RBFOX1: variants seen among roughly 807,000 people sequenced by gnomAD.
The protein encoded by RBFOX1 is RNA binding protein fox-1 homolog 1.
RBFOX1 carries 8 observed loss-of-function variants against 57.7 expected under a neutral mutation model. The ratio of observed to expected loss-of-function variants is 0.14; its 90% CI spans 0.08 to 0.25. The LOEUF (loss-of-function observed/expected upper bound fraction) is 0.25, where lower values mean the gene tolerates loss of function less well. Among genes scored for constraint, RBFOX1 ranks in the 10% least tolerant of loss-of-function variants. The pLI is 1.00. For missense variants in RBFOX1, 611 were observed against 548.5 expected (o/e 1.11, Z -1.14); for synonymous variants, 326 against 222.4 (o/e 1.47, Z -4.15).
chr16:5,795,982 C>T (rs2054865338), intron 3 of RBFOX1, among the ~76,000 whole-genome samples: 1 of 152,212 alleles, frequency 6.6e-6, no homozygotes. Flanking sequence ...TTTGGCAGTA[C>T]AGTTGGGTTT....
chr16:5,649,754 A>G (rs2049171299), intron 3 of RBFOX1, among the ~76,000 whole-genome samples: 1 of 152,234 alleles, frequency 6.6e-6, no homozygotes, highest in Non-Finnish European at 1.5e-5. Context: ...GAAGGCCATC[A>G]TGTACAACTC....
chr16:7,004,568 A>T (rs1199721077), intron 3 of RBFOX1, among the ~76,000 whole-genome samples: 11 of 152,188 alleles, frequency 7.2e-5, no homozygotes, highest in Non-Finnish European at 1.5e-4. Context: ...TATGTATCTA[A>T]GGTTTATTAG....
At chr16:5,873,511 G>C (rs1037609811) in intron 4 of RBFOX1, among the ~76,000 whole-genome samples, 13 of 152,222 alleles carry the variant, frequency 8.5e-5, no homozygotes, top group African/African-American at 1.9e-4. Context: ...TAATTCAAGA[G>C]TCCAGAATTC....
intron 2 of RBFOX1, among the ~76,000 whole-genome samples, chr16:6,541,177 A>G (rs1281771138): frequency 6.6e-6 from 1 of 152,186 alleles, no homozygotes; most frequent in Non-Finnish European, 1.5e-5. Context: ...GAACTCTTTC[A>G]TTCTATGCGG....
chr16:7,316,172 T>C (rs1302379091), intron 4 of RBFOX1, among the ~76,000 whole-genome samples: 2 of 152,216 alleles, frequency 1.3e-5, no homozygotes, highest in Non-Finnish European at 2.9e-5. Flanking sequence ...CTCCACTTTG[T>C]GTATCAGAGA....
intron 3 of RBFOX1, among the ~76,000 whole-genome samples, chr16:5,646,913 G>T (rs190899332): frequency 6.6e-6 from 1 of 152,168 alleles, no homozygotes; most frequent in Non-Finnish European, 1.5e-5. Flanking sequence ...TATTACAGGC[G>T]TGAGCCACCA....
intron 4 of RBFOX1, among the ~76,000 whole-genome samples, chr16:7,198,720 G>A (rs2087457299): frequency 6.6e-6 from 1 of 152,170 alleles, no homozygotes; most frequent in Admixed American, 6.5e-5. Context: ...ACTCACTGCA[G>A]CAGTAATGAC....
intron 4 of RBFOX1, among the ~76,000 whole-genome samples, chr16:7,393,570 A>G (rs544136987): frequency 2.0e-5 from 3 of 152,114 alleles, no homozygotes; most frequent in Admixed American, 6.5e-5. Flanking sequence ...GGACAATGCT[A>G]TAGGGGGTGG....
intron 1 of RBFOX1, among the ~76,000 whole-genome samples, chr16:6,140,180 G>C (rs2096704398): frequency 6.8e-6 from 1 of 147,560 alleles, no homozygotes; most frequent in South Asian, 2.2e-4. Context: ...TTTTCCACTG[G>C]AAATGACTTT....
intron 5 of RBFOX1, among the ~76,000 whole-genome samples, chr16:7,530,276 C>CTCTAACTCCA (rs1450552592): frequency 3.3e-5 from 5 of 152,114 alleles, no homozygotes; most frequent in African/African-American, 1.2e-4. Context: ...CCCACTGTAC[C>CTCTAACTCCA]ATGCCCTTCC....
intron 4 of RBFOX1, among the ~76,000 whole-genome samples, chr16:7,481,790 C>G (rs766125616): frequency 3.9e-5 from 6 of 152,186 alleles, no homozygotes; most frequent in Non-Finnish European, 8.8e-5. Context: ...CACCCCTCAC[C>G]TACTCAACAT....
intron 3 of RBFOX1, among the ~76,000 whole-genome samples, chr16:6,831,483 T>A (rs898730646): frequency 6.6e-6 from 1 of 152,188 alleles, no homozygotes; most frequent in Non-Finnish European, 1.5e-5. Flanking sequence ...CCATTATATA[T>A]CATTTACTTA....
At chr16:7,308,427 C>T (rs913535217) in intron 4 of RBFOX1, among the ~76,000 whole-genome samples, 1 of 151,990 alleles carries the variant, frequency 6.6e-6, no homozygotes, top group African/African-American at 2.4e-5. Flanking sequence ...CTGTCAAGCC[C>T]TATCCACTGA....
At chr16:5,670,069 G>A (rs1053523315) in intron 3 of RBFOX1, among the ~76,000 whole-genome samples, 2 of 151,934 alleles carry the variant, frequency 1.3e-5, no homozygotes, top group Admixed American at 1.3e-4. Flanking sequence ...CTAAGTGAGG[G>A]AAGCCAGACA....
intron 4 of RBFOX1, among the ~76,000 whole-genome samples, chr16:7,278,786 A>G (rs1174533009): frequency 1.3e-5 from 2 of 152,256 alleles, no homozygotes; most frequent in Admixed American, 1.3e-4. Flanking sequence ...AAAACCTGAT[A>G]TGTACACTGA....
intron 3 of RBFOX1, among the ~76,000 whole-genome samples, chr16:5,694,131 G>A (rs1005999572): frequency 6.6e-6 from 1 of 152,156 alleles, no homozygotes; most frequent in Non-Finnish European, 1.5e-5. Context: ...AATAGGATGG[G>A]AATGAACATT....
chr16:6,040,778 TA>T (rs2095428283), intron 1 of RBFOX1, among the ~76,000 whole-genome samples: 1 of 152,018 alleles, frequency 6.6e-6, no homozygotes, highest in Admixed American at 6.6e-5. Context: ...GTATTTTCAG[TA>T]GAGACTGGGT....
At chr16:6,814,509 A>G (rs1030995195) in intron 3 of RBFOX1, among the ~76,000 whole-genome samples, 19 of 152,308 alleles carry the variant, frequency 1.2e-4, no homozygotes, top group African/African-American at 4.1e-4. Context: ...GGAGACAGGC[A>G]TTGATCAAAT....
At position 6,916,695 on chromosome 16, in the gene RBFOX1, G is replaced by T. The variant is rs567074350; in HGVS notation, c.-15-135362G>T. Among the ~76,000 whole-genome samples the T allele has an allele frequency of 1.9e-4, 29 of 152,196 alleles. No individual in the cohort carries two copies. The East Asian group carries it at 5.2e-3, about 28-fold the overall frequency. ...GTCCTTTTACCTCTCATTGGCCGCA[G>T]TTATGCCCATTCCTACTTAAAAACT... On this transcript the variant is annotated intron_variant, in intron 3 of 15. Coordinates refer to ENST00000550418, the MANE Select transcript of RBFOX1 (RefSeq NM_018723.4).
Sources: gnomAD v4.1 joint callset for allele counts (sites outside exome capture counted in the v4.1 genomes callset) on GRCh38, gnomAD v4.1.1 for gene constraint, MANE v1.5 for transcripts, NCBI Gene and HGNC (gene_info 2026-07-23, HGNC 2026-07-21) for gene names.